The following NAALADL2 variants were observed in gnomAD, a reference collection of about 807,000 sequenced individuals.
NAALADL2 encodes the protein inactive N-acetylated-alpha-linked acidic dipeptidase-like protein 2.
A neutral mutation model predicts 87.2 loss-of-function variants in NAALADL2; 76 were observed. That is an observed-to-expected ratio of 0.87 (90% CI 0.72 to 1.05). The LOEUF (loss-of-function observed/expected upper bound fraction) is 1.05, where lower values mean the gene tolerates loss of function less well. Ranked by LOEUF, NAALADL2 falls within the 50% of genes least tolerant of loss-of-function variation. The pLI, the probability that NAALADL2 is intolerant of heterozygous loss-of-function variation, is 0.00. For missense variants in NAALADL2, 1,089 were observed against 945.8 expected (o/e 1.15, Z -1.99); for synonymous variants, 354 against 331.0 (o/e 1.07, Z -0.75).
intron 10 of NAALADL2, among the ~76,000 whole-genome samples, chr3:175,593,601 T>C (rs1379985474): frequency 1.3e-5 from 2 of 152,134 alleles, no homozygotes; most frequent in African/African-American, 4.8e-5. Context: ...CTTCTGAGGG[T>C]GGCAAGGAGA....
chr3:175,536,925 T>C (rs546974509), intron 9 of NAALADL2, among the ~76,000 whole-genome samples: 8 of 152,096 alleles, frequency 5.3e-5, no homozygotes, highest in Admixed American at 2.0e-4. Flanking sequence ...GAGCTTGCAA[T>C]GAGCAGAGAT....
chr3:175,185,113 G>C (rs1237759722), intron 2 of NAALADL2, among the ~76,000 whole-genome samples: 1 of 152,040 alleles, frequency 6.6e-6, no homozygotes, highest in East Asian at 1.9e-4. Context: ...GCTATGCTGG[G>C]AAGATACTCT....
At chr3:174,688,135 T>C (rs1578550885) in intron 2 of NAALADL2, among the ~76,000 whole-genome samples, 1 of 152,312 alleles carries the variant, frequency 6.6e-6, no homozygotes, top group East Asian at 1.9e-4. Context: ...TGTTGGCTTT[T>C]ATAAGCTGGT....
chr3:174,488,569 C>A (rs1717998696), intron 1 of NAALADL2, among the ~76,000 whole-genome samples: 1 of 152,040 alleles, frequency 6.6e-6, no homozygotes. Flanking sequence ...TGTAAAAACT[C>A]TCTTTTTAAC....
At chr3:175,204,402 A>G (rs1035777849) in intron 2 of NAALADL2, among the ~76,000 whole-genome samples, 6 of 152,208 alleles carry the variant, frequency 3.9e-5, no homozygotes, top group Non-Finnish European at 7.3e-5. Flanking sequence ...GCATCACTCT[A>G]TGATTAAAAC....
intron 12 of NAALADL2, among the ~76,000 whole-genome samples, chr3:175,740,998 G>A (rs529646188): frequency 1.3e-5 from 2 of 152,236 alleles, no homozygotes; most frequent in Admixed American, 6.5e-5. Flanking sequence ...GTGATCTAGT[G>A]GAGAGGTAAA....
At chr3:174,454,130 A>C (rs998528557) in intron 1 of NAALADL2, among the ~76,000 whole-genome samples, 7 of 152,180 alleles carry the variant, frequency 4.6e-5, no homozygotes, top group Non-Finnish European at 8.8e-5. Flanking sequence ...ATAAGCCAAC[A>C]AAGATCAAAA....
chr3:175,558,486 A>G (rs553273387), intron 9 of NAALADL2, among the ~76,000 whole-genome samples: 10 of 152,192 alleles, frequency 6.6e-5, no homozygotes, highest in African/African-American at 2.4e-4. Flanking sequence ...ATTACTCAAG[A>G]TATCTTCGCC....
intron 1 of NAALADL2, among the ~76,000 whole-genome samples, chr3:174,882,664 T>C (rs908054998): frequency 1.5e-5 from 2 of 137,260 alleles, no homozygotes; most frequent in Non-Finnish European, 3.1e-5. Flanking sequence ...CATATGTGCA[T>C]ATACACATAT....
intron 9 of NAALADL2, among the ~76,000 whole-genome samples, chr3:175,476,346 C>T (rs1173309417): frequency 6.6e-6 from 1 of 152,008 alleles, no homozygotes; most frequent in East Asian, 1.9e-4. Context: ...GCCCCTGTTG[C>T]CCAGGAGCTT....
intron 1 of NAALADL2, among the ~76,000 whole-genome samples, chr3:175,051,826 G>C (rs377084419): frequency 1.3e-5 from 2 of 152,102 alleles, no homozygotes; most frequent in Admixed American, 6.5e-5. Context: ...GCTTTCCCAC[G>C]TCCATTTGGC....
At chr3:175,636,381 A>C (rs1288679296) in intron 11 of NAALADL2, among the ~76,000 whole-genome samples, 1 of 152,064 alleles carries the variant, frequency 6.6e-6, no homozygotes, top group African/African-American at 2.4e-5. Flanking sequence ...TTTTACCTTT[A>C]AAGAGGTGGG....
At chr3:175,428,888 T>C (rs1423780706) in intron 5 of NAALADL2, among the ~76,000 whole-genome samples, 3 of 152,068 alleles carry the variant, frequency 2.0e-5, no homozygotes, top group East Asian at 1.9e-4. Context: ...TAGCACACTA[T>C]GTATATCTAT....
intron 2 of NAALADL2, among the ~76,000 whole-genome samples, chr3:174,559,650 T>G (rs10936804): frequency 0.34 from 51,087 of 152,070 alleles, 10,425 homozygotes; most frequent in East Asian, 0.71. Flanking sequence ...GCCAGCATAA[T>G]TAGCTTCTGG....
intron 2 of NAALADL2, among the ~76,000 whole-genome samples, chr3:174,683,020 A>G (rs1247787029): frequency 1.3e-5 from 2 of 152,198 alleles, no homozygotes; most frequent in African/African-American, 2.4e-5. Context: ...TTAAGATAAT[A>G]CAGAGAAGGA....
chr3:174,712,732 T>C (rs560555363), intron 2 of NAALADL2, among the ~76,000 whole-genome samples: 1 of 152,276 alleles, frequency 6.6e-6, no homozygotes, highest in African/African-American at 2.4e-5. Context: ...AAGAAGAAGA[T>C]ATTCCTTTGA....
chr3:175,328,514 A>G (rs149045782), intron 5 of NAALADL2, among the ~76,000 whole-genome samples: 1 of 152,144 alleles, frequency 6.6e-6, no homozygotes, highest in Non-Finnish European at 1.5e-5. Context: ...TTTCTCAATT[A>G]TCTTCAGCTC....
chr3:174,795,519 AT>A (rs2109222928), intron 3 of NAALADL2, among the ~76,000 whole-genome samples: 1 of 152,234 alleles, frequency 6.6e-6, no homozygotes, highest in East Asian at 1.9e-4. Flanking sequence ...AGATTTTTGT[AT>A]GGCTATATGT....
At chr3:175,675,614 T>C (rs987502997) in intron 11 of NAALADL2, 1 of 152,206 alleles carries the variant, frequency 6.6e-6, no homozygotes, top group African/African-American at 2.4e-5. Context: ...TTAGTAATAA[T>C]TCATGACAAA....
Sources: allele counts gnomAD v4.1 joint callset (sites outside exome capture counted in the v4.1 genomes callset), GRCh38; gene constraint gnomAD v4.1.1; transcripts MANE v1.5; gene names NCBI Gene and HGNC (gene_info 2026-07-23, HGNC 2026-07-21).